The following ALPK2 variants were observed in gnomAD, a reference collection of about 807,000 sequenced individuals.
ALPK2 encodes alpha-protein kinase 2.
Under a neutral mutation model 163.1 loss-of-function variants are expected in ALPK2, and 127 were observed. That is an observed-to-expected ratio of 0.78 (90% CI 0.67 to 0.90). The LOEUF (loss-of-function observed/expected upper bound fraction) is 0.90. Among genes scored for constraint, ALPK2 ranks in the 40% least tolerant of loss-of-function variants. The pLI, the probability that ALPK2 is intolerant of heterozygous loss-of-function variation, is 0.00. For synonymous variants in ALPK2, 953 were observed against 959.1 expected (o/e 0.99, Z 0.12); for missense variants, 2,360 against 2,589.6 (o/e 0.91, Z 1.92).
chr18:58,497,707 G>A (rs947561073), intron 12 of ALPK2, among the ~76,000 whole-genome samples: 1 of 152,176 alleles, frequency 6.6e-6, no homozygotes, highest in African/African-American at 2.4e-5. Flanking sequence ...GCTTTTAATA[G>A]TGAAGATATT....
chr18:58,481,866 A>T lies in ALPK2; in HGVS notation c.6470T>A (p.Ile2157Lys), dbSNP rs1568061859. ...TGGGGTCTCAGGCCCTGCCTTCTTT[A>T]TTGTCATAGAGTTTGTTTGAACTTT... Reference protein sequence around the residue: ...KSKVQTNSMTIKKAGPETPGE... With the variant: ...KSKVQTNSMTKKKAGPETPGE... Residue 2157 changes from isoleucine to lysine, a missense_variant, in exon 13 of 13, where the codon ATA becomes AAA. Ile to Lys is a moderately radical substitution (Grantham distance 102). Transcript: ENST00000361673. 2.5e-6 allele frequency: 4 copies of T among 1,614,090 alleles called. No homozygotes were observed. The South Asian group carries it at 3.3e-5, about 13-fold the overall frequency.
chr18:58,523,999 G>T lies in ALPK2; in HGVS notation c.5565C>A (p.Leu1855=), dbSNP rs1181426616. Residue 1855 remains leucine (L), a synonymous_variant, in exon 7 of 13, where the codon CTC becomes CTA. Coordinates refer to ENST00000361673, the MANE Select transcript of ALPK2 (RefSeq NM_052947.4). ...AGCTGTTCTTGATGCAGCAGTAATA[G>T]AGTCCCTGGTCCTTCGGACTGGCTT... The part of the protein sequence containing the change: ...IVQASPKDQG[L]YYCCIKNSYG... 3.1e-6 allele frequency: 5 copies of T among 1,614,168 alleles called. No individual in the cohort carries two copies. The highest frequency in any genetic ancestry group is 3.4e-6 in the Non-Finnish European group (4 of 1,180,024).
Position 58,535,541 on chromosome 18 carries a change from G to A in ALPK2, c.4646C>T (p.Thr1549Ile). 1.7e-5 allele frequency: 28 copies of A among 1,614,180 alleles called. No homozygotes were observed. Among genetic ancestry groups the A allele is most frequent in the Non-Finnish European group, 2.4e-5 (28 of 1,180,016 alleles). The change falls in exon 5 of 13, where the codon ACT becomes ATT. Residue 1549 changes from threonine to isoleucine, a missense_variant. Physicochemically the swap from Thr to Ile is moderately conservative, Grantham distance 89. Transcript: ENST00000361673. ...CGTGTCAACCCCAAGAGAAGCGTGA[G>A]TCATTATTGGAAGACAACTAGAAAG... ...SPLSSCLPIM[T>I]HASLGVDTHN...
intron 12 of ALPK2, among the ~76,000 whole-genome samples, chr18:58,489,315 C>T (rs1226384701): frequency 1.3e-5 from 2 of 152,294 alleles, no homozygotes; most frequent in Admixed American, 1.3e-4. Context: ...TTCCAAAATA[C>T]GTTCTCATGA....
chr18:58,607,266 C>T, intron 3 of ALPK2, 56 bp downstream of exon 3: 1 of 1,300,460 alleles, frequency 7.7e-7, no homozygotes, highest in Non-Finnish European at 1.1e-6. Context: ...TAGTAATCAG[C>T]ACATGACAGA....
chr18:58,555,431 T>G lies in ALPK2; in HGVS notation c.1963-17207A>C, dbSNP rs142776330. ...ATCCTGATTTTCTCTTCTTTGTCAA[T>G]GTATAATATCACAAAAGAGCAAAGG... is the stretch of plus-strand genomic sequence containing the variant. On this transcript the variant is annotated intron_variant, in intron 4 of 12. Coordinates refer to ENST00000361673, the MANE Select transcript of ALPK2 (RefSeq NM_052947.4). 3.3e-5 allele frequency among the ~76,000 whole-genome samples: 5 copies of G among 152,372 alleles called. No homozygotes were observed. The East Asian group carries it at 5.8e-4, about 18-fold the overall frequency.
chr18:58,487,647 A>AT (rs753078065), intron 12 of ALPK2, among the ~76,000 whole-genome samples: 1 of 152,100 alleles, frequency 6.6e-6, no homozygotes, highest in East Asian at 1.9e-4. Flanking sequence ...AATTAGTATA[A>AT]TTTTTTAGCC....
intron 1 of ALPK2, among the ~76,000 whole-genome samples, chr18:58,613,619 G>C (rs1470838048): frequency 6.6e-6 from 1 of 151,086 alleles, no homozygotes; most frequent in Non-Finnish European, 1.5e-5. Flanking sequence ...CTTGAACCGG[G>C]ACCTGGGAGG....
At chr18:58,601,328 T>C (rs941640431) in intron 3 of ALPK2, among the ~76,000 whole-genome samples, 6 of 152,040 alleles carry the variant, frequency 3.9e-5, no homozygotes, top group Non-Finnish European at 8.8e-5. Flanking sequence ...TAAAGATACA[T>C]GCAAATAGAT....
intron 3 of ALPK2, among the ~76,000 whole-genome samples, chr18:58,602,085 A>G (rs1219875442): frequency 6.6e-6 from 1 of 152,122 alleles, no homozygotes; most frequent in Non-Finnish European, 1.5e-5. Context: ...AACCTTATTG[A>G]TTTCCCCTTC....
chr18:58,491,883 T>C (rs1460894498), intron 12 of ALPK2, among the ~76,000 whole-genome samples: 1 of 152,240 alleles, frequency 6.6e-6, no homozygotes, highest in African/African-American at 2.4e-5. Context: ...GCATTCCCAC[T>C]AGGTACAGGC....
chr18:58,507,626 G>T (rs1314554929), intron 10 of ALPK2, among the ~76,000 whole-genome samples: 4 of 152,194 alleles, frequency 2.6e-5, no homozygotes, highest in African/African-American at 9.7e-5. Context: ...AGGAAGGAAA[G>T]CTCGAGCTGG....
rs35670010 is a variant in ALPK2 at position 58,581,061 on chromosome 18, TA to T, written c.228-514del. 8.1e-3 allele frequency: 1,182 copies of T among 146,118 alleles called. 7 individuals are homozygous for T. The highest frequency in any genetic ancestry group is 0.019 in the African/African-American group (766 of 40,104). 9.1% of individuals were successfully genotyped at this position (146,118 alleles called of 1,614,324 possible). A position where few individuals can be genotyped will look rare whatever the true frequency, so the allele number is the denominator to read the frequency against. ...TTTCTTAATAAACTTGTTTTCACTT[TA>T]AAAAAAAAAAAAGAATAAAATGCTG... On this transcript the variant is annotated intron_variant, in intron 3 of 12. Coordinates refer to ENST00000361673, the MANE Select transcript of ALPK2 (RefSeq NM_052947.4).
At chr18:58,492,032 T>C (rs1324257071) in intron 12 of ALPK2, among the ~76,000 whole-genome samples, 1 of 152,184 alleles carries the variant, frequency 6.6e-6, no homozygotes, top group Non-Finnish European at 1.5e-5. Context: ...ATTGACAAAC[T>C]CTGAATCCTC....
intron 3 of ALPK2, among the ~76,000 whole-genome samples, chr18:58,606,937 TAGTC>T (rs1319979795): frequency 2.6e-5 from 4 of 152,342 alleles, no homozygotes; most frequent in East Asian, 1.9e-4. Context: ...TGTGGGATCA[TAGTC>T]AGCCACTTCT....
At chr18:58,550,049 C>T (rs2051742851) in intron 4 of ALPK2, among the ~76,000 whole-genome samples, 1 of 152,132 alleles carries the variant, frequency 6.6e-6, no homozygotes, top group African/African-American at 2.4e-5. Context: ...TCCACACCCT[C>T]ACACCTGTTT....
intron 12 of ALPK2, among the ~76,000 whole-genome samples, chr18:58,490,065 C>T (rs1386396878): frequency 6.8e-6 from 1 of 147,872 alleles, no homozygotes; most frequent in African/African-American, 2.5e-5. Flanking sequence ...AGTGAGAGTC[C>T]GTCTCAAAAA....
chr18:58,555,503 G>T (rs897483474), intron 4 of ALPK2, among the ~76,000 whole-genome samples: 17 of 152,196 alleles, frequency 1.1e-4, no homozygotes, highest in African/African-American at 4.1e-4. Flanking sequence ...CGAAGGGAAA[G>T]AATTCTCATG....
rs555450168 is a variant in ALPK2, at chr18:58,562,408, T to G, written c.1962+16406A>C. Among the ~76,000 whole-genome samples the G allele has an allele frequency of 7.2e-5, 11 of 152,374 alleles. No individual in the cohort carries two copies. In the South Asian group the frequency reaches 2.3e-3, roughly 32 times the overall value. ...GTAATTTGTGACATACTGCTTATTT[T>G]TGGTAAGTAACAATTCCATTTCAGA... is the stretch of plus-strand genomic sequence containing the variant. On this transcript the variant is annotated intron_variant, in intron 4 of 12. Coordinates refer to ENST00000361673, the MANE Select transcript of ALPK2 (RefSeq NM_052947.4).
Sources: allele counts gnomAD v4.1 joint callset (sites outside exome capture counted in the v4.1 genomes callset), GRCh38; gene constraint gnomAD v4.1.1; transcripts MANE v1.5; gene names NCBI Gene and HGNC (gene_info 2026-07-23, HGNC 2026-07-21).